Variants in RIT2 observed in about 807,000 individuals in gnomAD.
RIT2 encodes Ras like without CAAX 2.
A neutral mutation model predicts 23.7 loss-of-function variants in RIT2; 24 were observed. The ratio of observed to expected loss-of-function variants is 1.01; its 90% CI spans 0.73 to 1.43. The LOEUF (loss-of-function observed/expected upper bound fraction) is 1.43. Among genes scored for constraint, RIT2 ranks in the 40% most tolerant of loss-of-function variants. RIT2 has a pLI of 0.00. For synonymous variants in RIT2, 107 were observed against 91.1 expected (o/e 1.17, Z -0.99); for missense variants, 236 against 266.9 (o/e 0.88, Z 0.81).
chr18:43,041,821 A>T (rs1343355184), intron 1 of RIT2, among the ~76,000 whole-genome samples: 1 of 152,132 alleles, frequency 6.6e-6, no homozygotes, highest in South Asian at 2.1e-4. Flanking sequence ...TGAAAATCTG[A>T]CAATATTATA....
chr18:42,985,342 G>A (rs1240153246), intron 2 of RIT2, among the ~76,000 whole-genome samples: 3 of 152,094 alleles, frequency 2.0e-5, no homozygotes, highest in Non-Finnish European at 2.9e-5. Flanking sequence ...AATGATGTTA[G>A]ATTTTCCCTA....
At chr18:42,821,528 T>C (rs1906148331) in intron 4 of RIT2, among the ~76,000 whole-genome samples, 1 of 152,182 alleles carries the variant, frequency 6.6e-6, no homozygotes, top group Admixed American at 6.5e-5. Flanking sequence ...CATCTATGGT[T>C]GTCAAGACTG....
intron 4 of RIT2, among the ~76,000 whole-genome samples, chr18:42,774,137 A>G (rs1320296862): frequency 1.8e-4 from 28 of 152,236 alleles, no homozygotes; most frequent in Non-Finnish European, 8.8e-5. Context: ...AGTTAAGAAA[A>G]GGAAAGCAAT....
chr18:43,036,391 T>G (rs563128519), intron 1 of RIT2, among the ~76,000 whole-genome samples: 2 of 151,982 alleles, frequency 1.3e-5, no homozygotes, highest in South Asian at 4.2e-4. Flanking sequence ...AATACGGAAA[T>G]CAGCCGGGCG....
At chr18:42,956,738 A>T (rs1909978871) in intron 3 of RIT2, among the ~76,000 whole-genome samples, 1 of 152,142 alleles carries the variant, frequency 6.6e-6, no homozygotes, top group African/African-American at 2.4e-5. Context: ...CTAGTAGAGA[A>T]ATTACATCCA....
At chr18:42,769,216 C>T (rs1438311824) in intron 4 of RIT2, among the ~76,000 whole-genome samples, 4 of 152,112 alleles carry the variant, frequency 2.6e-5, no homozygotes, top group Non-Finnish European at 5.9e-5. Context: ...GCTCTGAGTC[C>T]ACTTATACCT....
chr18:43,040,031 G>C (rs1912090356), intron 1 of RIT2, among the ~76,000 whole-genome samples: 2 of 152,176 alleles, frequency 1.3e-5, no homozygotes, highest in Admixed American at 1.3e-4. Flanking sequence ...GTGTAAGAAA[G>C]ACTGTCACTG....
intron 2 of RIT2, among the ~76,000 whole-genome samples, chr18:43,016,276 T>A (rs1186099966): frequency 6.6e-6 from 1 of 151,898 alleles, no homozygotes; most frequent in Non-Finnish European, 1.5e-5. Flanking sequence ...TGTTTTCTAA[T>A]ACACACGAAT....
intron 4 of RIT2, among the ~76,000 whole-genome samples, chr18:42,780,047 GTTTTT>G (rs71175923): frequency 3.4e-5 from 2 of 59,596 alleles, no homozygotes; most frequent in Non-Finnish European, 6.1e-5. Context: ...CAATTTAGAG[GTTTTT>G]TTTTTTTTTT....
intron 1 of RIT2, among the ~76,000 whole-genome samples, chr18:43,105,811 A>G (rs1913808945): frequency 6.6e-6 from 1 of 152,198 alleles, no homozygotes; most frequent in South Asian, 2.1e-4. Flanking sequence ...TATTATTGTC[A>G]TCCCCATTTT....
At chr18:42,958,386 T>C (rs1223748381) in intron 3 of RIT2, among the ~76,000 whole-genome samples, 1 of 152,130 alleles carries the variant, frequency 6.6e-6, no homozygotes, top group Non-Finnish European at 1.5e-5. Flanking sequence ...GCTAGAAATG[T>C]CCTTCTCACT....
chr18:43,011,199 T>G (rs9947315), intron 2 of RIT2, among the ~76,000 whole-genome samples: 2 of 151,734 alleles, frequency 1.3e-5, no homozygotes, highest in African/African-American at 4.8e-5. Flanking sequence ...CCAGATCCAG[T>G]GTGGTGGTGT....
chr18:42,842,571 C>T (rs1338143762), intron 4 of RIT2, among the ~76,000 whole-genome samples: 1 of 152,120 alleles, frequency 6.6e-6, no homozygotes, highest in Admixed American at 6.6e-5. Context: ...CCACCATAAG[C>T]AGAGCTAAGA....
chr18:43,002,975 C>A (rs1222511770), intron 2 of RIT2, among the ~76,000 whole-genome samples: 1 of 151,796 alleles, frequency 6.6e-6, no homozygotes, highest in Non-Finnish European at 1.5e-5. Flanking sequence ...TAGAAATATG[C>A]TGTGTTGTTG....
At chr18:43,012,533 G>A (rs1238109615) in intron 2 of RIT2, among the ~76,000 whole-genome samples, 1 of 151,318 alleles carries the variant, frequency 6.6e-6, no homozygotes, top group African/African-American at 2.4e-5. Context: ...AAATAGAAAG[G>A]GTAGTATCTG....
chr18:42,946,006 G>T (rs954995448), intron 3 of RIT2, among the ~76,000 whole-genome samples: 2 of 152,022 alleles, frequency 1.3e-5, no homozygotes, highest in African/African-American at 2.4e-5. Context: ...TTTTAAAAAA[G>T]GTCATACAAA....
intron 3 of RIT2, among the ~76,000 whole-genome samples, chr18:42,926,962 C>A (rs557787223): frequency 8.8e-4 from 133 of 151,940 alleles, no homozygotes; most frequent in Middle Eastern, 3.4e-3. Flanking sequence ...CCTCAATTTC[C>A]CCCTTTGTTA....
At chr18:42,864,791 C>T (rs927360093) in intron 4 of RIT2, among the ~76,000 whole-genome samples, 3 of 152,204 alleles carry the variant, frequency 2.0e-5, no homozygotes, top group Admixed American at 1.3e-4. Flanking sequence ...CAGTCCTCCA[C>T]TAAGCCTCGC....
In RIT2 at chr18:43,049,972, C is replaced by CTTTTTTTTTTTTTT. The variant is rs755291383; in HGVS notation, c.104-16119_104-16106dup. On this transcript the variant is annotated intron_variant, in intron 1 of 4. Coordinates refer to ENST00000326695, the MANE Select transcript of RIT2 (RefSeq NM_002930.4). The stretch of plus-strand genomic sequence containing the variant: ...CAATGGGTAATTGAGAAGGGATTTC[C>CTTTTTTTTTTTTTT]TTTTTTTTTTTTTTTTTTTTTTTTT... Among the ~76,000 whole-genome samples the CTTTTTTTTTTTTTT allele has an allele frequency of 7.4e-4, 49 of 66,000 alleles. 4 individuals are homozygous for CTTTTTTTTTTTTTT. The highest frequency in any genetic ancestry group is 1.6e-3 in the South Asian group (2 of 1,228). The allele number at this position is 66,000 out of a possible 152,430, so 43.3% of individuals were successfully genotyped here. A position where few individuals can be genotyped will look rare whatever the true frequency, so the allele number is the denominator to read the frequency against.
Sources: allele counts gnomAD v4.1 joint callset (sites outside exome capture counted in the v4.1 genomes callset), GRCh38; gene constraint gnomAD v4.1.1; transcripts MANE v1.5; gene names NCBI Gene and HGNC (gene_info 2026-07-23, HGNC 2026-07-21).